The following DNAH6 variants were observed in gnomAD, a reference collection of about 807,000 sequenced individuals.
DNAH6 encodes axonemal beta dynein heavy chain 6.
A neutral mutation model predicts 491.4 loss-of-function variants in DNAH6; 340 were observed. The ratio of observed to expected loss-of-function variants is 0.69; its 90% CI spans 0.63 to 0.76. The LOEUF (loss-of-function observed/expected upper bound fraction) is 0.76. Ranked by LOEUF, DNAH6 falls within the 30% of genes least tolerant of loss-of-function variation. DNAH6 has a pLI of 0.00. For synonymous variants in DNAH6, 1,603 were observed against 1,686.1 expected (o/e 0.95, Z 1.21); for missense variants, 4,443 against 4,972.2 (o/e 0.89, Z 3.20).
chr2:84,697,101 A>G (rs551029793), intron 46 of DNAH6, among the ~76,000 whole-genome samples: 2 of 152,228 alleles, frequency 1.3e-5, no homozygotes, highest in South Asian at 4.1e-4. Flanking sequence ...TGGTAATCTC[A>G]CTCCTGGGAA....
In DNAH6 at chr2:84,797,589, T is replaced by G. The variant is rs1420798653; in HGVS notation, c.11412T>G (p.Ile3804Met). Residue 3804 changes from isoleucine (I) to methionine (M), a missense_variant, in exon 70 of 77, where the codon ATT (isoleucine) becomes ATG (methionine). Coordinates refer to ENST00000389394, the MANE Select transcript of DNAH6 (RefSeq NM_001370.2). ...GCCTACAAGAGTTTAAGGACTACAT[T>G]GAAAATCTGCCTTTGATCGATGACC... ...ADSLQEFKDY[I>M]ENLPLIDDPE... 1 of 1,551,608 alleles carries G rather than the reference T, an allele frequency of 6.4e-7. No homozygotes were observed. The highest frequency in any genetic ancestry group is 2.4e-5 in the East Asian group (1 of 40,938).
At chr2:84,603,762 C>T (rs1337357519) in intron 18 of DNAH6, among the ~76,000 whole-genome samples, 1 of 152,138 alleles carries the variant, frequency 6.6e-6, no homozygotes, top group Non-Finnish European at 1.5e-5. Context: ...TCACTAGTGC[C>T]TTAAGGTGGC....
At chr2:84,549,321 A>G (rs1230702740) in intron 8 of DNAH6, among the ~76,000 whole-genome samples, 1 of 152,246 alleles carries the variant, frequency 6.6e-6, no homozygotes, top group African/African-American at 2.4e-5. Context: ...CTCTGAGGCT[A>G]CCATAGTGGA....
chr2:84,794,939 C>A (rs1225634264), intron 68 of DNAH6, among the ~76,000 whole-genome samples: 1 of 151,494 alleles, frequency 6.6e-6, no homozygotes, highest in African/African-American at 2.4e-5. Context: ...AAATGTCCAA[C>A]AATGATACAC....
At chr2:84,470,837 GT>G in the DNAH6 span, among the ~76,000 whole-genome samples, 1 of 152,120 alleles carries the variant, frequency 6.6e-6, no homozygotes, top group East Asian at 1.9e-4. Flanking sequence ...GAAAAAGACA[GT>G]TTGAGAGAGA....
Position 84,595,708 on chromosome 2 carries a change from T to A in DNAH6, c.2787T>A (p.Phe929Leu). 1 of 1,551,492 alleles carries A rather than the reference T, an allele frequency of 6.4e-7. No individual in the cohort carries two copies. Among genetic ancestry groups the A allele is most frequent in the South Asian group, 1.2e-5 (1 of 83,984 alleles). Residue 929 changes from phenylalanine to leucine, a missense_variant, in exon 18 of 77, where the codon TTT becomes TTA. Physicochemically the swap from Phe to Leu is conservative, Grantham distance 22. Around this residue, in one of 3 missense-constraint regions of DNAH6, gnomAD observed 2,977 missense variants for 3,296.6 expected, o/e 0.90. Coordinates refer to ENST00000389394, the MANE Select transcript of DNAH6 (RefSeq NM_001370.2). ...LNGQVSKYAKFVTQLEKGLPP... is the reference protein window; with the variant it reads ...LNGQVSKYAKLVTQLEKGLPP... ...GTCAAGTTTCTAAATATGCTAAATT[T>A]GTGACTCAACTGGAAAAAGGCTTGC... is the stretch of plus-strand genomic sequence containing the variant.
intron 11 of DNAH6, among the ~76,000 whole-genome samples, chr2:84,570,929 CG>C (rs1681771457): frequency 6.6e-6 from 1 of 152,118 alleles, no homozygotes; most frequent in Admixed American, 6.5e-5. Flanking sequence ...ACCACGAACC[CG>C]CTGGGAGGAA....
chr2:84,696,652 A>G (rs1335257283), intron 46 of DNAH6, among the ~76,000 whole-genome samples: 1 of 152,094 alleles, frequency 6.6e-6, no homozygotes, highest in Non-Finnish European at 1.5e-5. Flanking sequence ...ATTAAGAAAA[A>G]CAAAAAGTTT....
At chr2:84,777,117 G>A (rs1303412369) in intron 64 of DNAH6, 1 of 159,658 alleles carries the variant, frequency 6.3e-6, no homozygotes, top group Non-Finnish European at 1.4e-5. Flanking sequence ...ATTGGGGAGG[G>A]AAAGCATTAG....
intron 33 of DNAH6, among the ~76,000 whole-genome samples, chr2:84,649,759 C>T (rs1350382409): frequency 2.0e-5 from 3 of 151,980 alleles, no homozygotes; most frequent in Non-Finnish European, 4.4e-5. Flanking sequence ...TGAAGCTGGA[C>T]ACCATTATCC....
chr2:84,712,436 C>T (rs1339840553), intron 56 of DNAH6, among the ~76,000 whole-genome samples: 1 of 152,156 alleles, frequency 6.6e-6, no homozygotes, highest in Non-Finnish European at 1.5e-5. Context: ...GGCAATGTCT[C>T]CATGCCCACG....
chr2:84,461,677 G>A, the DNAH6 span, among the ~76,000 whole-genome samples: 1 of 152,298 alleles, frequency 6.6e-6, no homozygotes, highest in East Asian at 1.9e-4. Context: ...GTCGATAATG[G>A]TAGTTATTAT....
In DNAH6 at chr2:84,691,782, A is replaced by T. The variant is rs192169686; in HGVS notation, c.7293-2467A>T. ...TATCATGAAATATTACTCTTTAAAA[A>T]TTTTTTTCAACCATTAAAAAAAATC... On this transcript the variant is annotated intron_variant, in intron 45 of 76. Coordinates refer to ENST00000389394, the MANE Select transcript of DNAH6 (RefSeq NM_001370.2). Among the ~76,000 whole-genome samples the T allele has an allele frequency of 4.0e-3, 611 of 152,274 alleles. 2 individuals are homozygous for T. The highest frequency in any genetic ancestry group is 0.013 in the African/African-American group (560 of 41,538).
At chr2:84,553,364 CTTTTCTTTCTTTCTTTCTTTCTTTCTTT>C (rs1679628542) in intron 10 of DNAH6, among the ~76,000 whole-genome samples, 1 of 12,138 alleles carries the variant, frequency 8.2e-5, no homozygotes, top group Non-Finnish European at 1.7e-4. Flanking sequence ...CTTTTCTTTT[CTTTTCTTTCTTTCTTTCTTTCTTTCTTT>C]CTTTCTTTCT....
chr2:84,672,240 T>A, intron 39 of DNAH6, 87 bp from the exon 40 acceptor site: 1 of 1,341,846 alleles, frequency 7.5e-7, no homozygotes. Context: ...TAGGATGTCA[T>A]TGAGTCCAAA....
chr2:84,778,038 A>G, intron 64 of DNAH6: 1 of 1,009,322 alleles, frequency 9.9e-7, no homozygotes, highest in Non-Finnish European at 1.6e-6. Flanking sequence ...GTTCTAAGGA[A>G]AAGGCTGCCA....
Position 84,658,957 on chromosome 2 carries a change from C to A in DNAH6, c.5941-69C>A, listed in dbSNP as rs1311922932. The A allele has an allele frequency of 3.1e-6, 3 of 982,048 alleles. No homozygotes were observed. In the Admixed American group the frequency reaches 9.7e-5, roughly 32 times the overall value. The allele number at this position is 982,048 out of a possible 1,614,324, so 60.8% of individuals were successfully genotyped here. ...TAAATGAAAGAAAAATATCTTTACACTTTGCAGCTTAGGATTCTTTTTATG... is the reference window on the plus strand; with the variant it reads ...TAAATGAAAGAAAAATATCTTTACAATTTGCAGCTTAGGATTCTTTTTATG... On this transcript the variant is annotated intron_variant, in intron 36 of 76. Transcript: ENST00000389394.
intron 29 of DNAH6, among the ~76,000 whole-genome samples, chr2:84,633,931 T>C (rs975623160): frequency 1.3e-5 from 2 of 152,190 alleles, no homozygotes; most frequent in Non-Finnish European, 2.9e-5. Context: ...TATGGTATAA[T>C]GCAAGATTTA....
At chr2:84,668,600 C>T (rs1692405558) in intron 37 of DNAH6, among the ~76,000 whole-genome samples, 1 of 152,154 alleles carries the variant, frequency 6.6e-6, no homozygotes, top group Non-Finnish European at 1.5e-5. Flanking sequence ...TCCCAGCATA[C>T]ACCATATTTT....
Sources: allele counts gnomAD v4.1 joint callset (sites outside exome capture counted in the v4.1 genomes callset), GRCh38; gene constraint gnomAD v4.1.1; regional missense constraint gnomAD v4.1.1; transcripts MANE v1.5; gene names NCBI Gene and HGNC (gene_info 2026-07-23, HGNC 2026-07-21).